KCNAB1: variants seen among roughly 807,000 people sequenced by gnomAD.
KCNAB1 encodes the protein potassium voltage-gated channel subfamily A regulatory beta subunit 1.
In KCNAB1, 35 loss-of-function variants were observed where a neutral mutation model predicts 64.6. The observed-to-expected ratio is 0.54, with a 90% CI of 0.41 to 0.72. The LOEUF is 0.72. Ranked by LOEUF, KCNAB1 falls within the 30% of genes least tolerant of loss-of-function variation. KCNAB1 has a pLI of 0.00. For synonymous variants in KCNAB1, 177 were observed against 183.8 expected (o/e 0.96, Z 0.30); for missense variants, 401 against 512.9 (o/e 0.78, Z 2.11).
chr3:156,451,303 A>G (rs1225275548), intron 2 of KCNAB1, among the ~76,000 whole-genome samples: 1 of 152,270 alleles, frequency 6.6e-6, no homozygotes, highest in Non-Finnish European at 1.5e-5. Context: ...AAAACAATTT[A>G]TACCCTACTT....
chr3:156,459,957 C>A (rs1712772240), intron 5 of KCNAB1, 86 bp downstream of exon 5: 2 of 883,842 alleles, frequency 2.3e-6, no homozygotes, highest in Non-Finnish European at 3.6e-6. Context: ...GACACCTGAC[C>A]AAAAGGCTGT....
At chr3:156,524,898 C>T (rs1277524772) in intron 12 of KCNAB1, among the ~76,000 whole-genome samples, 1 of 151,792 alleles carries the variant, frequency 6.6e-6, no homozygotes, top group Non-Finnish European at 1.5e-5. Flanking sequence ...TATAATGGAG[C>T]TGAAAAATTG....
chr3:156,223,305 C>G (rs1378979227), intron 1 of KCNAB1, among the ~76,000 whole-genome samples: 1 of 152,190 alleles, frequency 6.6e-6, no homozygotes, highest in East Asian at 1.9e-4. Flanking sequence ...GAAGGGGACC[C>G]AAGCAGGTTG....
intron 1 of KCNAB1, among the ~76,000 whole-genome samples, chr3:156,281,590 G>A: frequency 6.6e-6 from 1 of 152,152 alleles, no homozygotes; most frequent in Non-Finnish European, 1.5e-5. Flanking sequence ...GAGTCCATCT[G>A]GTCCTGGACT....
chr3:156,138,919 C>T (rs1305100534), intron 1 of KCNAB1, among the ~76,000 whole-genome samples: 3 of 152,144 alleles, frequency 2.0e-5, no homozygotes, highest in Non-Finnish European at 4.4e-5. Flanking sequence ...CTCCCGTGCT[C>T]CATCAGCAGG....
Position 156,230,593 on chromosome 3 carries a change from A to C in KCNAB1, c.275+109707A>C, listed in dbSNP as rs532620457. Among the ~76,000 whole-genome samples the C allele has an allele frequency of 8.5e-5, 13 of 152,326 alleles. No homozygotes were observed. In the East Asian group the frequency reaches 2.3e-3, roughly 27 times the overall value. ...TATAAAACAATTAATAAAGACAAGG[A>C]GCTTGACTTGTGGAATTTACATGAG... On this transcript the variant is annotated intron_variant, in intron 1 of 13. Coordinates refer to ENST00000490337, the MANE Select transcript of KCNAB1 (RefSeq NM_172160.3).
chr3:156,375,412 C>T lies in KCNAB1; in HGVS notation c.276-46204C>T, dbSNP rs1434820492. Among the ~76,000 whole-genome samples the T allele has an allele frequency of 3.0e-5, 4 of 135,048 alleles. 1 individual carries two copies. Among genetic ancestry groups the T allele is most frequent in the Non-Finnish European group, 6.2e-5 (4 of 64,860 alleles). The allele number at this position is 135,048 out of a possible 152,430, so 88.6% of individuals were successfully genotyped here. Reference sequence around the variant, plus strand: ...GAAATTGATGCTCCGAGAAGTTTAACGACATTCCTGATGTTGCAAAGCTGG... The same window carrying T: ...GAAATTGATGCTCCGAGAAGTTTAATGACATTCCTGATGTTGCAAAGCTGG... On this transcript the variant is annotated intron_variant, in intron 1 of 13. Coordinates refer to ENST00000490337, the MANE Select transcript of KCNAB1 (RefSeq NM_172160.3).
At chr3:156,538,741 T>G (rs770203205), downstream of KCNAB1, 1 of 152,260 alleles carries the variant, frequency 6.6e-6, no homozygotes, top group African/African-American at 2.4e-5. Context: ...GCAGCTAAGC[T>G]GCACTGAATA....
At chr3:156,509,089 G>C (rs1223078966) in intron 8 of KCNAB1, among the ~76,000 whole-genome samples, 3 of 152,088 alleles carry the variant, frequency 2.0e-5, no homozygotes, top group Admixed American at 1.3e-4. Flanking sequence ...AGGGGAAAGA[G>C]GGAGAGGAAG....
At chr3:156,511,907 G>A (rs571374541) in intron 8 of KCNAB1, among the ~76,000 whole-genome samples, 1 of 152,206 alleles carries the variant, frequency 6.6e-6, no homozygotes, top group African/African-American at 2.4e-5. Context: ...CCCTCCCATT[G>A]CTGGGACTCA....
In KCNAB1 at chr3:156,212,832, T is replaced by G. The variant is rs188770121; in HGVS notation, c.275+91946T>G. ...ATGGAAAGGGCAAGAGGGAAGGTGGTGAGAAGTGCTGCTGGAGCATAAATC... is the reference window on the plus strand; with the variant it reads ...ATGGAAAGGGCAAGAGGGAAGGTGGGGAGAAGTGCTGCTGGAGCATAAATC... On this transcript the variant is annotated intron_variant, in intron 1 of 13. Coordinates refer to ENST00000490337, the MANE Select transcript of KCNAB1 (RefSeq NM_172160.3). 2.8e-3 allele frequency among the ~76,000 whole-genome samples: 422 copies of G among 152,100 alleles called. 3 individuals carry two copies. The highest frequency in any genetic ancestry group is 9.4e-3 in the African/African-American group (390 of 41,488).
At position 156,474,796 on chromosome 3, in the gene KCNAB1, C is replaced by T; in HGVS notation, c.634C>T (p.Pro212Ser). The T allele has an allele frequency of 6.2e-7, 1 of 1,612,988 alleles. No homozygotes were observed. Among genetic ancestry groups the T allele is most frequent in the Non-Finnish European group, 8.5e-7 (1 of 1,179,238 alleles). Reference protein sequence around the residue: ...EYVDVVFANRPDSNTPMEEIV... With the variant: ...EYVDVVFANRSDSNTPMEEIV... ...TGTGGATGTGGTCTTTGCAAATCGA[C>T]CGGACAGTAACACTCCCATGGAAGG... is the stretch of plus-strand genomic sequence containing the variant. The change falls in exon 8 of 14, where the codon CCG (proline) becomes TCG (serine). Residue 212 changes from proline (P) to serine (S), a missense_variant. Physicochemically the swap from Pro to Ser is moderately conservative, Grantham distance 74. Transcript: ENST00000490337.
chr3:156,452,926 T>A lies in KCNAB1; in HGVS notation c.347T>A (p.Ile116Asn). 1 of 1,605,460 alleles carries A rather than the reference T, an allele frequency of 6.2e-7. No individual in the cohort carries two copies. Residue 116 changes from isoleucine (I) to asparagine (N), a missense_variant, in exon 3 of 14, where the codon ATT becomes AAT. Ile to Asn is a moderately radical substitution (Grantham distance 149, BLOSUM62 -3). Transcript: ENST00000490337. The surrounding 1 kb of genome is among the most constrained non-coding windows in gnomAD (Gnocchi z 4.6). The part of the protein sequence containing the change: ...LGTWVTFGGQ[I>N]SDEVAERLMT... ...ACATGGGTGACATTTGGAGGTCAAA[T>A]TTCAGATGAGGTAAGTTACCTTTGG...
At chr3:156,280,434 T>C (rs1576672532) in intron 1 of KCNAB1, among the ~76,000 whole-genome samples, 1 of 151,804 alleles carries the variant, frequency 6.6e-6, no homozygotes, top group African/African-American at 2.4e-5. Context: ...TGGCTTAGGA[T>C]TGCCTTGGCA....
At chr3:156,120,143 T>C (rs1713249621), upstream of KCNAB1, among the ~76,000 whole-genome samples, 2 of 152,346 alleles carry the variant, frequency 1.3e-5, no homozygotes, top group South Asian at 4.1e-4. Context: ...TTGAACTTAT[T>C]TGAGGAAATT....
At chr3:156,489,022 G>A (rs1000015642) in intron 8 of KCNAB1, among the ~76,000 whole-genome samples, 2 of 152,128 alleles carry the variant, frequency 1.3e-5, no homozygotes, top group African/African-American at 4.8e-5. Context: ...GGAACCAGCT[G>A]TGGGGAAGCT....
chr3:156,139,595 T>TG (rs1228294493), intron 1 of KCNAB1, among the ~76,000 whole-genome samples: 3 of 146,148 alleles, frequency 2.1e-5, no homozygotes, highest in African/African-American at 7.6e-5. Flanking sequence ...TTTTTTTTTT[T>TG]TTTTTTTTTT....
chr3:156,513,028 C>T (rs1048993092), intron 8 of KCNAB1, among the ~76,000 whole-genome samples: 7 of 152,132 alleles, frequency 4.6e-5, no homozygotes, highest in East Asian at 3.9e-4. Context: ...CTGGCTAACA[C>T]GGTGAAACCC....
chr3:156,312,980 C>T (rs555556093), intron 1 of KCNAB1, among the ~76,000 whole-genome samples: 3 of 152,262 alleles, frequency 2.0e-5, no homozygotes, highest in African/African-American at 4.8e-5. Context: ...GCACTTCTCT[C>T]CCTGTCTTGT....
Sources: allele counts gnomAD v4.1 joint callset (sites outside exome capture counted in the v4.1 genomes callset), GRCh38; gene constraint gnomAD v4.1.1; non-coding constraint Gnocchi (gnomAD v3.1); transcripts MANE v1.5; gene names NCBI Gene and HGNC (gene_info 2026-07-23, HGNC 2026-07-21).